LRP1B: variants seen among roughly 807,000 people sequenced by gnomAD.
The protein encoded by LRP1B is LDL receptor related protein 1B, also known as low-density lipoprotein receptor-related protein 1B.
A neutral mutation model predicts 556.6 loss-of-function variants in LRP1B; 217 were observed. That is an observed-to-expected ratio of 0.39 (90% CI 0.35 to 0.44). The LOEUF is 0.44. Among genes scored for constraint, LRP1B ranks in the 20% least tolerant of loss-of-function variants. LRP1B has a pLI of 1.00. For missense variants in LRP1B, 5,053 were observed against 5,620.8 expected (o/e 0.90, Z 3.23); for synonymous variants, 2,047 against 1,865.8 (o/e 1.10, Z -2.50).
chr2:141,461,308 T>G (rs1681860824), intron 3 of LRP1B, among the ~76,000 whole-genome samples: 1 of 152,100 alleles, frequency 6.6e-6, no homozygotes. Flanking sequence ...TAAAAGGACA[T>G]TTTAAAATTG....
chr2:141,246,243 T>G (rs1684065785), intron 5 of LRP1B, among the ~76,000 whole-genome samples: 1 of 152,128 alleles, frequency 6.6e-6, no homozygotes, highest in Non-Finnish European at 1.5e-5. Context: ...GAGACTCAAG[T>G]GATAAGAAGG....
chr2:140,536,537 A>G (rs776433558), intron 46 of LRP1B, 44 bp downstream of exon 46: 1 of 1,577,196 alleles, frequency 6.3e-7, no homozygotes, highest in South Asian at 1.2e-5. Flanking sequence ...GTAAAGAATC[A>G]GAAAACTTTA....
At chr2:140,496,509 A>G (rs1688948003) in intron 55 of LRP1B, among the ~76,000 whole-genome samples, 1 of 152,138 alleles carries the variant, frequency 6.6e-6, no homozygotes, top group African/African-American at 2.4e-5. Flanking sequence ...AATTTGTATC[A>G]TATCTCTTTC....
At chr2:140,858,060 C>T (rs1332476636) in intron 27 of LRP1B, among the ~76,000 whole-genome samples, 1 of 152,060 alleles carries the variant, frequency 6.6e-6, no homozygotes, top group Non-Finnish European at 1.5e-5. Context: ...GATTTTGCCT[C>T]CCAAGAAACA....
At chr2:141,586,469 A>G (rs193200994) in intron 2 of LRP1B, among the ~76,000 whole-genome samples, 42 of 152,320 alleles carry the variant, frequency 2.8e-4, no homozygotes, top group Admixed American at 1.9e-3. Context: ...CTTGAAATAC[A>G]TCTAAGGCAT....
At chr2:141,472,429 A>G (rs1310656354) in intron 3 of LRP1B, among the ~76,000 whole-genome samples, 1 of 152,056 alleles carries the variant, frequency 6.6e-6, no homozygotes, top group African/African-American at 2.4e-5. Context: ...AATTCCAACT[A>G]TTTGGGAGGC....
chr2:142,128,129 G>T (rs1026794466), intron 1 of LRP1B, among the ~76,000 whole-genome samples: 20 of 152,162 alleles, frequency 1.3e-4, no homozygotes, highest in Admixed American at 2.0e-4. Context: ...ACAAGTGCAC[G>T]TATATGGTTT....
Position 141,279,681 on chromosome 2 carries a change from G to A in LRP1B, c.344-25040C>T, listed in dbSNP as rs762634432. ...TTTCTTCTTTTGGAGCCTGGAACAA[G>A]CTATCCTCTCAACGAAGATGTGATT... On this transcript the variant is annotated intron_variant, in intron 3 of 90. Transcript: ENST00000389484. 7.2e-5 allele frequency among the ~76,000 whole-genome samples: 11 copies of A among 152,186 alleles called. 1 individual carries two copies. The highest frequency in any genetic ancestry group is 1.4e-4 in the African/African-American group (6 of 41,556).
chr2:141,867,999 T>C (rs553952240), intron 1 of LRP1B, among the ~76,000 whole-genome samples: 2 of 152,118 alleles, frequency 1.3e-5, no homozygotes, highest in Non-Finnish European at 2.9e-5. Context: ...AGATGTTCCA[T>C]TACCATCATC....
chr2:141,503,607 G>T (rs1438340405), intron 2 of LRP1B, among the ~76,000 whole-genome samples: 1 of 151,992 alleles, frequency 6.6e-6, no homozygotes, highest in Admixed American at 6.6e-5. Flanking sequence ...TGTATAATTT[G>T]CAGTGTGCCA....
At chr2:141,913,214 T>C (rs1227389512) in intron 1 of LRP1B, among the ~76,000 whole-genome samples, 3 of 152,170 alleles carry the variant, frequency 2.0e-5, no homozygotes, top group Non-Finnish European at 2.9e-5. Context: ...ATACATTTTA[T>C]GTTTCGTATA....
At chr2:140,843,769 A>G (rs1692192615) in intron 29 of LRP1B, among the ~76,000 whole-genome samples, 1 of 152,114 alleles carries the variant, frequency 6.6e-6, no homozygotes. Context: ...TGCCTAATTC[A>G]ATAGAACCGT....
Position 140,864,364 on chromosome 2 carries a change from G to A in LRP1B, c.4579+3226C>T, listed in dbSNP as rs572524984. Among the ~76,000 whole-genome samples, 23 of 152,138 alleles carry A rather than the reference G, an allele frequency of 1.5e-4. No individual in the cohort carries two copies. The South Asian group carries it at 4.4e-3, about 29-fold the overall frequency. ...GCTTTAAATGCTGAGTCCTTATGGT[G>A]TTAACTATGAATGTAGAGGAGGTAA... is the stretch of plus-strand genomic sequence containing the variant. On this transcript the variant is annotated intron_variant, in intron 27 of 90. Transcript: ENST00000389484.
At chr2:140,559,657 C>T (rs1156691456) in intron 43 of LRP1B, among the ~76,000 whole-genome samples, 6 of 151,190 alleles carry the variant, frequency 4.0e-5, no homozygotes, top group Admixed American at 2.0e-4. Context: ...CTCTTAATGG[C>T]CATATGGGGG....
At chr2:141,956,399 T>A (rs1300244872) in intron 1 of LRP1B, among the ~76,000 whole-genome samples, 1 of 152,136 alleles carries the variant, frequency 6.6e-6, no homozygotes, top group Non-Finnish European at 1.5e-5. Context: ...CATTACCTGA[T>A]AATATTTTTA....
intron 7 of LRP1B, among the ~76,000 whole-genome samples, chr2:141,110,122 C>A (rs151127526): frequency 1.1e-4 from 17 of 152,096 alleles, no homozygotes; most frequent in African/African-American, 4.1e-4. Context: ...AAGAAAGTAG[C>A]TAAATAAGTA....
chr2:141,529,854 A>G (rs1429486584), intron 2 of LRP1B, among the ~76,000 whole-genome samples: 1 of 152,118 alleles, frequency 6.6e-6, no homozygotes, highest in Non-Finnish European at 1.5e-5. Flanking sequence ...GAATATAAAC[A>G]AGAAAAATGA....
chr2:140,397,014 T>A (rs1468332006), intron 66 of LRP1B, among the ~76,000 whole-genome samples: 5 of 152,146 alleles, frequency 3.3e-5, no homozygotes, highest in Non-Finnish European at 7.4e-5. Flanking sequence ...CACAGAGTAT[T>A]AGAATCATAG....
chr2:142,061,801 G>T (rs17824487), intron 1 of LRP1B, among the ~76,000 whole-genome samples: 71,781 of 151,710 alleles, frequency 0.47, 17,716 homozygotes, highest in East Asian at 0.68. Context: ...CATTTCGTCT[G>T]ATATTTTCAC....
Sources: gnomAD v4.1 joint callset for allele counts (sites outside exome capture counted in the v4.1 genomes callset) on GRCh38, gnomAD v4.1.1 for gene constraint, MANE v1.5 for transcripts, NCBI Gene and HGNC (gene_info 2026-07-23, HGNC 2026-07-21) for gene names.